Variants in PDGFC observed in about 807,000 individuals in gnomAD.
PDGFC encodes the protein platelet derived growth factor C, also known as platelet-derived growth factor C.
PDGFC carries 12 observed loss-of-function variants against 35.5 expected under a neutral mutation model. That is an observed-to-expected ratio of 0.34 (90% confidence interval 0.22 to 0.55). PDGFC has a LOEUF of 0.55. PDGFC is among the 20% of genes least tolerant of loss of function. PDGFC has a pLI of 0.91. For missense variants in PDGFC, 322 were observed against 412.4 expected (o/e 0.78, Z 1.90); for synonymous variants, 159 against 148.8 (o/e 1.07, Z -0.50).
chr4:156,795,496 A>T (rs1211636330), intron 3 of PDGFC, among the ~76,000 whole-genome samples: 2 of 152,174 alleles, frequency 1.3e-5, no homozygotes, highest in Non-Finnish European at 1.5e-5. Flanking sequence ...AAAAAAAAGT[A>T]CAGGCCCTAA....
At chr4:156,924,594 G>T (rs571854167) in intron 1 of PDGFC, among the ~76,000 whole-genome samples, 1 of 152,220 alleles carries the variant, frequency 6.6e-6, no homozygotes, top group South Asian at 2.1e-4. Flanking sequence ...AGATTAAAAT[G>T]CAAAAAGTTT....
chr4:156,817,488 A>G (rs1030279894), intron 2 of PDGFC, among the ~76,000 whole-genome samples: 7 of 152,224 alleles, frequency 4.6e-5, no homozygotes, highest in African/African-American at 1.7e-4. Flanking sequence ...AATGCAAAGT[A>G]TCAATATTTA....
intron 1 of PDGFC, among the ~76,000 whole-genome samples, chr4:156,883,440 T>C (rs889210492): frequency 8.5e-5 from 13 of 152,206 alleles, no homozygotes; most frequent in African/African-American, 3.1e-4. Context: ...CCTGCTACAT[T>C]GCATTCTCTT....
At chr4:156,853,432 C>T (rs1249964571) in intron 1 of PDGFC, among the ~76,000 whole-genome samples, 1 of 152,152 alleles carries the variant, frequency 6.6e-6, no homozygotes, top group Non-Finnish European at 1.5e-5. Flanking sequence ...AATTAAATAA[C>T]TGAATGCTAC....
intron 2 of PDGFC, among the ~76,000 whole-genome samples, chr4:156,824,411 T>A (rs746397193): frequency 6.7e-6 from 1 of 149,878 alleles, no homozygotes; most frequent in Non-Finnish European, 1.5e-5. Context: ...CACACATATA[T>A]ACACACACAC....
At chr4:156,860,511 C>A (rs1729684992) in intron 1 of PDGFC, among the ~76,000 whole-genome samples, 1 of 151,998 alleles carries the variant, frequency 6.6e-6, no homozygotes, top group Non-Finnish European at 1.5e-5. Context: ...AAATGTACCA[C>A]TATCTAAAGA....
chr4:156,959,606 C>A (rs1732291798), intron 1 of PDGFC, among the ~76,000 whole-genome samples: 1 of 152,022 alleles, frequency 6.6e-6, no homozygotes, highest in Admixed American at 6.6e-5. Flanking sequence ...CACATTCCTA[C>A]ATACCAAAAG....
At chr4:156,896,416 A>T (rs1730634606) in intron 1 of PDGFC, among the ~76,000 whole-genome samples, 1 of 152,126 alleles carries the variant, frequency 6.6e-6, no homozygotes, top group Non-Finnish European at 1.5e-5. Context: ...AAAACCTAGG[A>T]ATATAGGAGT....
rs537741399 is a variant in PDGFC, at chr4:156,916,515, T to C, written c.118+54271A>G. ...GTCACATACCTTACTAGGCCCTAGA[T>C]AGGATCTATAGAAAACCCCCACTCC... is the stretch of plus-strand genomic sequence containing the variant. On this transcript the variant is annotated intron_variant, in intron 1 of 5. Coordinates refer to ENST00000502773, the MANE Select transcript of PDGFC (RefSeq NM_016205.3). Among the ~76,000 whole-genome samples the C allele has an allele frequency of 1.6e-4, 25 of 152,322 alleles. No homozygotes were observed. In the South Asian group the frequency reaches 5.2e-3, roughly 32 times the overall value.
chr4:156,931,798 C>T (rs1400088147), intron 1 of PDGFC, among the ~76,000 whole-genome samples: 1 of 151,926 alleles, frequency 6.6e-6, no homozygotes, highest in Non-Finnish European at 1.5e-5. Context: ...ATTTTAAACA[C>T]TACATTTATA....
At chr4:156,827,214 G>A (rs1395942249) in intron 2 of PDGFC, among the ~76,000 whole-genome samples, 1 of 152,096 alleles carries the variant, frequency 6.6e-6, no homozygotes, top group Non-Finnish European at 1.5e-5. Flanking sequence ...TCAGGAGATT[G>A]AGACCATCCT....
At chr4:156,848,615 T>C (rs1729381847) in intron 2 of PDGFC, among the ~76,000 whole-genome samples, 1 of 152,024 alleles carries the variant, frequency 6.6e-6, no homozygotes, top group African/African-American at 2.4e-5. Context: ...TTCTGAAACA[T>C]ATGTTAAATC....
intron 1 of PDGFC, among the ~76,000 whole-genome samples, chr4:156,876,047 G>C (rs938276572): frequency 6.6e-6 from 1 of 152,122 alleles, no homozygotes; most frequent in African/African-American, 2.4e-5. Context: ...TGCTCCCGAG[G>C]AAGAAAACAT....
At chr4:156,805,059 A>G (rs933899816) in intron 3 of PDGFC, among the ~76,000 whole-genome samples, 1 of 152,016 alleles carries the variant, frequency 6.6e-6, no homozygotes, top group African/African-American at 2.4e-5. Context: ...GAACAAAAGG[A>G]ATCAGTAGAA....
chr4:156,949,384 A>C (rs1224454115), intron 1 of PDGFC, among the ~76,000 whole-genome samples: 1 of 151,842 alleles, frequency 6.6e-6, no homozygotes, highest in Non-Finnish European at 1.5e-5. Context: ...CTTTCAGAGC[A>C]TTAACCCCAT....
intron 2 of PDGFC, among the ~76,000 whole-genome samples, chr4:156,839,291 G>A (rs1328247189): frequency 6.6e-6 from 1 of 152,164 alleles, no homozygotes; most frequent in African/African-American, 2.4e-5. Flanking sequence ...CCAACATGGG[G>A]CAGTTACCCT....
chr4:156,772,187 G>T (rs1324002518), intron 4 of PDGFC, among the ~76,000 whole-genome samples: 7 of 152,056 alleles, frequency 4.6e-5, no homozygotes, highest in Admixed American at 3.3e-4. Context: ...ATGTTGGGTC[G>T]TTGCCATTTT....
chr4:156,825,180 C>T (rs1732408404), intron 2 of PDGFC, among the ~76,000 whole-genome samples: 2 of 152,070 alleles, frequency 1.3e-5, no homozygotes, highest in Admixed American at 1.3e-4. Flanking sequence ...TCCTCAAATG[C>T]ATTCCAACTA....
chr4:156,831,337 G>A (rs568898189), intron 2 of PDGFC, among the ~76,000 whole-genome samples: 5 of 151,888 alleles, frequency 3.3e-5, no homozygotes, highest in African/African-American at 4.8e-5. Context: ...GCTGGGTGCA[G>A]TGGTACATGC....
Sources: allele counts gnomAD v4.1 joint callset (sites outside exome capture counted in the v4.1 genomes callset), GRCh38; gene constraint gnomAD v4.1.1; transcripts MANE v1.5; gene names NCBI Gene and HGNC (gene_info 2026-07-23, HGNC 2026-07-21).